Variants in OVCH1 observed in about 807,000 individuals in gnomAD.
The protein encoded by OVCH1 is ovochymase 1.
In OVCH1, 139 loss-of-function variants were observed where a neutral mutation model predicts 138.4. The ratio of observed to expected loss-of-function variants is 1.00; its 90% CI spans 0.87 to 1.16. OVCH1 has a LOEUF of 1.16. Among genes scored for constraint, OVCH1 ranks in the 50% most tolerant of loss-of-function variants. The pLI is 0.00. For missense variants in OVCH1, 1,367 were observed against 1,357.9 expected, an observed-to-expected ratio of 1.01 and a Z score of -0.11; for synonymous variants, 453 against 467.8, an observed-to-expected ratio of 0.97 and a Z score of 0.41.
At chr12:29,433,615 T>G in intron 27 of OVCH1, 1 of 912,402 alleles carries the variant, frequency 1.1e-6, no homozygotes, top group African/African-American at 1.7e-5. Context: ...GGGACTGTCT[T>G]GTTCATTGCT....
intron 26 of OVCH1, among the ~76,000 whole-genome samples, chr12:29,437,426 G>A (rs569937250): frequency 2.6e-5 from 4 of 152,162 alleles, no homozygotes; most frequent in African/African-American, 9.6e-5. Context: ...TTTTATACTC[G>A]AGTTAACTAG....
intron 22 of OVCH1, among the ~76,000 whole-genome samples, chr12:29,447,268 C>A (rs569051740): frequency 6.6e-6 from 1 of 151,748 alleles, no homozygotes; most frequent in African/African-American, 2.4e-5. Context: ...CCAGCCTGGG[C>A]AAAATAGGGA....
intron 3 of OVCH1, among the ~76,000 whole-genome samples, chr12:29,414,016 CTCTCTTTTT>C (rs1244084807): frequency 7.1e-6 from 1 of 140,220 alleles, no homozygotes; most frequent in East Asian, 2.1e-4. Context: ...TCCTCTCTCT[CTCTCTTTTT>C]TTTTTTTTTT....
intron 25 of OVCH1, among the ~76,000 whole-genome samples, chr12:29,442,988 C>T (rs1316228932): frequency 6.6e-6 from 1 of 152,010 alleles, no homozygotes; most frequent in Non-Finnish European, 1.5e-5. Flanking sequence ...GCTTCTAACT[C>T]CTACCAATTG....
intron 16 of OVCH1, among the ~76,000 whole-genome samples, chr12:29,470,709 T>C (rs1014200747): frequency 3.9e-5 from 6 of 152,174 alleles, no homozygotes; most frequent in African/African-American, 1.4e-4. Flanking sequence ...AGTAGAATTA[T>C]TTATAATCTT....
intron 17 of OVCH1, 69 bp downstream of exon 17, chr12:29,465,078 A>G: frequency 1.5e-6 from 2 of 1,323,684 alleles, no homozygotes; most frequent in Non-Finnish European, 2.1e-6. Context: ...TATTTTAGCT[A>G]AAGGTATTCC....
In OVCH1 at chr12:29,496,385, A is replaced by C. The variant is rs555445487; in HGVS notation, c.184-107T>G. The C allele has an allele frequency of 5.9e-6, 7 of 1,190,036 alleles. No individual in the cohort carries two copies. The South Asian group carries it at 8.6e-5, about 15-fold the overall frequency. 73.7% of individuals were successfully genotyped at this position (1,190,036 alleles called of 1,614,324 possible). ...TTCTAATCTGACATAATATTCTTAA[A>C]ATACCGACATAAATTGGATAGTAAG... On this transcript the variant is annotated intron_variant, in intron 2 of 27. Transcript: ENST00000318184.
chr12:29,475,429 A>G (rs1384651415), intron 13 of OVCH1, among the ~76,000 whole-genome samples: 7 of 152,022 alleles, frequency 4.6e-5, no homozygotes, highest in Non-Finnish European at 8.8e-5. Context: ...ACGCCCGGAA[A>G]CTCAACTGGT....
At chr12:29,487,909 T>C (rs940918075) in intron 6 of OVCH1, 27 bp from the exon 7 acceptor site, 1 of 1,577,528 alleles carries the variant, frequency 6.3e-7, no homozygotes, top group Non-Finnish European at 8.6e-7. Context: ...AAAGAGAAAA[T>C]TTGAAAATAG....
At chr12:29,439,601 C>T (rs953248302) in intron 25 of OVCH1, among the ~76,000 whole-genome samples, 2 of 152,136 alleles carry the variant, frequency 1.3e-5, no homozygotes, top group African/African-American at 4.8e-5. Flanking sequence ...GATTTTTTCC[C>T]TCCACAACAA....
chr12:29,458,689 A>G (rs1481379247), intron 19 of OVCH1, among the ~76,000 whole-genome samples: 3 of 152,178 alleles, frequency 2.0e-5, no homozygotes, highest in Non-Finnish European at 4.4e-5. Context: ...AAAGGAAACA[A>G]AGCCAAGAGA....
chr12:29,422,482 G>GA (rs1196368942), intron 3 of OVCH1, among the ~76,000 whole-genome samples: 1 of 152,164 alleles, frequency 6.6e-6, no homozygotes, highest in Non-Finnish European at 1.5e-5. Context: ...CTCTAATCAA[G>GA]AGGACCTCCT....
chr12:29,478,247 A>G lies in OVCH1; in HGVS notation c.1069+588T>C, dbSNP rs569959918. On this transcript the variant is annotated intron_variant, in intron 9 of 27. Coordinates refer to ENST00000318184, the Ensembl canonical transcript of OVCH1. ...TGATCAATTGTGTTATGAGAAGGAAATTACATCAAACAATGTAAAGTTCAA... is the reference window on the plus strand; with the variant it reads ...TGATCAATTGTGTTATGAGAAGGAAGTTACATCAAACAATGTAAAGTTCAA... Among the ~76,000 whole-genome samples, 6 of 152,308 alleles carry G rather than the reference A, an allele frequency of 3.9e-5. 1 individual carries two copies. Among genetic ancestry groups the G allele is most frequent in the African/African-American group, 1.4e-4 (6 of 41,570 alleles).
At chr12:29,483,052 T>C (rs1177041407) in intron 8 of OVCH1, among the ~76,000 whole-genome samples, 7 of 152,230 alleles carry the variant, frequency 4.6e-5, no homozygotes. Context: ...AGTCTAACTC[T>C]GTTTCTTTAG....
At chr12:29,406,292 CCTTTA>C in the OVCH1 span, among the ~76,000 whole-genome samples, 5 of 151,860 alleles carry the variant, frequency 3.3e-5, no homozygotes, top group Admixed American at 3.3e-4. Flanking sequence ...CAGGAAGTCA[CCTTTA>C]TTTTATTTAT....
downstream of OVCH1, among the ~76,000 whole-genome samples, chr12:29,412,213 CCTTT>C (rs1262671462): frequency 1.1e-4 from 17 of 152,262 alleles, no homozygotes; most frequent in African/African-American, 3.6e-4. Context: ...TTCTTTCACC[CCTTT>C]CTTTGACTAG....
chr12:29,489,061 G>A (rs3825236), intron 6 of OVCH1, among the ~76,000 whole-genome samples: 61,471 of 151,836 alleles, frequency 0.4, 12,709 homozygotes, highest in East Asian at 0.55. Flanking sequence ...AATTTACTTG[G>A]AAGACCTATC....
In OVCH1 at chr12:29,451,405, C is replaced by T. The variant is rs747732925; in HGVS notation, c.2695G>A (p.Val899Met). 1.9e-6 allele frequency: 3 copies of T among 1,613,182 alleles called. No homozygotes were observed. The African/African-American group carries it at 4.0e-5, about 22-fold the overall frequency. Residue 899 changes from valine to methionine, a missense_variant, in exon 22 of 28, where the codon GTG becomes ATG. Transcript: ENST00000318184. Reference sequence around the variant, plus strand: ...ATAATTAGAACTGAGTCTTGACACACAGGAGACCCCAGGAGTGACAGATAC... The same window carrying T: ...ATAATTAGAACTGAGTCTTGACACATAGGAGACCCCAGGAGTGACAGATAC...
At chr12:29,408,829 A>C (rs1442677398), downstream of OVCH1, among the ~76,000 whole-genome samples, 4 of 151,900 alleles carry the variant, frequency 2.6e-5, no homozygotes, top group African/African-American at 9.7e-5. Context: ...TCATAACATG[A>C]GTTAGGGAGG....
Sources: gnomAD v4.1 joint callset for allele counts (sites outside exome capture counted in the v4.1 genomes callset) on GRCh38, gnomAD v4.1.1 for gene constraint, MANE v1.5 for transcripts, NCBI Gene and HGNC (gene_info 2026-07-23, HGNC 2026-07-21) for gene names.